Variants in NEFL observed in about 807,000 individuals in gnomAD.
The protein encoded by NEFL is neurofilament light chain, also known as neurofilament light polypeptide.
A neutral mutation model predicts 51.6 loss-of-function variants in NEFL; 36 were observed. That is an observed-to-expected ratio of 0.70 (90% CI 0.53 to 0.92). The LOEUF (loss-of-function observed/expected upper bound fraction) is 0.92, where lower values mean the gene tolerates loss of function less well. NEFL is among the 40% of genes least tolerant of loss of function. The probability of loss-of-function intolerance (pLI) is 0.00; values close to 1 mark genes in which losing one functional copy is unlikely to be tolerated. For synonymous variants in NEFL, 332 were observed against 302.5 expected (o/e 1.10, Z -1.01); for missense variants, 671 against 722.0 (o/e 0.93, Z 0.81).
chr8:24,953,873 C>T, intron 2 of NEFL, 78 bp from the exon 3 acceptor site: 2 of 1,477,714 alleles, frequency 1.4e-6, no homozygotes, highest in Non-Finnish European at 9.0e-7. Context: ...AACACAAAGG[C>T]AAGCAGGAGC....
rs1430924558 is a variant in NEFL at position 24,951,939 on chromosome 8, A to C, written c.*871T>G. ...AATGTATGGGATTCATATTCTATCC[A>C]TATTGCATTGTGACATATCAGTTTG... is the stretch of plus-strand genomic sequence containing the variant. On this transcript the variant is annotated 3_prime_UTR_variant, in exon 4 of 4. Coordinates refer to ENST00000610854, the MANE Select transcript of NEFL (RefSeq NM_006158.5). 2 of 152,394 alleles carry C rather than the reference A, an allele frequency of 1.3e-5. No homozygotes were observed. Among genetic ancestry groups the C allele is most frequent in the African/African-American group, 4.8e-5 (2 of 41,452 alleles). The allele number at this position is 152,394 out of a possible 1,614,324, so 9.4% of individuals were successfully genotyped here. A position where few individuals can be genotyped will look rare whatever the true frequency, so the allele number is the denominator to read the frequency against.
rs764134343 is a variant in NEFL, at chr8:24,955,807, G to A, written c.709C>T (p.Gln237Ter). The change falls in exon 1 of 4, where the codon CAG becomes TAG. Residue 237 changes from glutamine to a stop codon, truncating the protein, a stop_gained. Coordinates refer to ENST00000610854, the MANE Select transcript of NEFL (RefSeq NM_006158.5). LOFTEE classifies it high-confidence loss of function. The surrounding 1 kb of genome is among the most constrained non-coding windows in gnomAD (Gnocchi z 4.0). Reference sequence around the variant, plus strand: ...ACGGAGATCTGCGCGTACTGGATCTGCGCCTGCAGTTCGGCGATCTCCTCT... The same window carrying A: ...ACGGAGATCTGCGCGTACTGGATCTACGCCTGCAGTTCGGCGATCTCCTCT... ...HEEEIAELQA[Q>*]IQYAQISVEM... The A allele has an allele frequency of 1.9e-6, 3 of 1,612,434 alleles. No individual in the cohort carries two copies. Among genetic ancestry groups the A allele is most frequent in the Non-Finnish European group, 2.5e-6 (3 of 1,179,862 alleles).
chr8:24,953,556 G>A lies in NEFL; in HGVS notation c.1409C>T (p.Pro470Leu), dbSNP rs1170554677. 6.2e-7 allele frequency: 1 copy of A among 1,613,726 alleles called. No individual in the cohort carries two copies. Among genetic ancestry groups the A allele is most frequent in the Non-Finnish European group, 8.5e-7 (1 of 1,179,804 alleles). ...CTCCTCGGCTTCTCCTTCAGAGGGG[G>A]GCTCATCCTTGGCTTCCTCAGCCTT... ...AAKAEEAKDE[P>L]PSEGEAEEEE... The change falls in exon 3 of 4, where the codon CCC becomes CTC. Residue 470 changes from proline to leucine, a missense_variant. Pro to Leu is a moderately conservative substitution (Grantham distance 98, BLOSUM62 -3). Coordinates refer to ENST00000610854, the MANE Select transcript of NEFL (RefSeq NM_006158.5).
In NEFL at chr8:24,956,002, G is replaced by T. The variant is rs1414210870; in HGVS notation, c.514C>A (p.Arg172Ser). ...TCTTCATAGCGCGCCTGCAGGTTGCGCAGGGTCTCCTCCAGCCCTTCGCGC... is the reference window on the plus strand; with the variant it reads ...TCTTCATAGCGCGCCTGCAGGTTGCTCAGGGTCTCCTCCAGCCCTTCGCGC... ...GEREGLEETL[R>S]NLQARYEEEV... Residue 172 changes from arginine (R) to serine (S), a missense_variant, in exon 1 of 4, where the codon CGC becomes AGC. By Grantham distance (110) the Arg-to-Ser change is moderately radical. Coordinates refer to ENST00000610854, the MANE Select transcript of NEFL (RefSeq NM_006158.5). This position sits in a 1 kb window ranked among gnomAD's most constrained non-coding sequence, Gnocchi z 5.9. The T allele has an allele frequency of 6.2e-7, 1 of 1,604,218 alleles. No homozygotes were observed. Among genetic ancestry groups the T allele is most frequent in the Non-Finnish European group, 8.5e-7 (1 of 1,179,134 alleles).
At position 24,956,069 on chromosome 8, in the gene NEFL, C is replaced by T. The variant is rs1054658308; in HGVS notation, c.447G>A (p.Ala149=). The change falls in exon 1 of 4, where the codon GCG becomes GCA. Residue 149 remains alanine (A), a synonymous_variant. Coordinates refer to ENST00000610854, the MANE Select transcript of NEFL (RefSeq NM_006158.5). The surrounding 1 kb of genome is among the most constrained non-coding windows in gnomAD (Gnocchi z 5.9). The stretch of plus-strand genomic sequence containing the variant: ...GCTTCTCGTTGGTGGCATCTTCCGC[C>T]GCCAGGCGCAGGTCGCGGATCTCCT... ...YEQEIRDLRL[A]AEDATNEKQA... is the part of the protein sequence containing the mutation. The T allele has an allele frequency of 6.9e-6, 11 of 1,603,770 alleles. No homozygotes were observed. The highest frequency in any genetic ancestry group is 1.3e-5 in the African/African-American group (1 of 74,862).
Position 24,955,317 on chromosome 8 carries a change from A to G in NEFL, c.1044+155T>C, listed in dbSNP as rs1803029586. 5 of 724,206 alleles carry G rather than the reference A, an allele frequency of 6.9e-6. No homozygotes were observed. The East Asian group carries it at 1.4e-4, about 20-fold the overall frequency. The allele number at this position is 724,206 out of a possible 1,614,324, so 44.9% of individuals were successfully genotyped here. A position where few individuals can be genotyped will look rare whatever the true frequency, so the allele number is the denominator to read the frequency against. ...GTGGCGCCCGCACTCACGCCCTTCA[A>G]GTGCCCCACCCCTCCCACACAGTGG... On this transcript the variant is annotated intron_variant, in intron 1 of 3. Coordinates refer to ENST00000610854, the MANE Select transcript of NEFL (RefSeq NM_006158.5). The surrounding 1 kb of genome is among the most constrained non-coding windows in gnomAD (Gnocchi z 4.0).
In NEFL at chr8:24,952,497, C is replaced by A. The variant is rs950640241; in HGVS notation, c.*313G>T. 1 of 275,178 alleles carries A rather than the reference C, an allele frequency of 3.6e-6. No individual in the cohort carries two copies. Among genetic ancestry groups the A allele is most frequent in the Non-Finnish European group, 6.8e-6 (1 of 147,586 alleles). The allele number at this position is 275,178 out of a possible 1,614,324, so 17.0% of individuals were successfully genotyped here. Reference sequence around the variant, plus strand: ...AGTTTAACATTAACATTAGTGAATTCATTTACTCATGTGGTGTTTTTTATT... The same window carrying A: ...AGTTTAACATTAACATTAGTGAATTAATTTACTCATGTGGTGTTTTTTATT... On this transcript the variant is annotated 3_prime_UTR_variant, in exon 4 of 4. Transcript: ENST00000610854.
In NEFL at chr8:24,956,314, G is replaced by C. The variant is rs1328701916; in HGVS notation, c.202C>G (p.Leu68Val). The C allele has an allele frequency of 3.1e-5, 50 of 1,610,582 alleles. No homozygotes were observed. Among genetic ancestry groups the C allele is most frequent in the Non-Finnish European group, 4.1e-5 (48 of 1,178,624 alleles). ...SSSSGSLMPSLENLDLSQVAA... is the reference protein window; with the variant it reads ...SSSSGSLMPSVENLDLSQVAA... ...ACCTGGCTCAGGTCGAGGTTCTCCAGACTGGGCATCAACGATCCAGAGCTG... is the reference window on the plus strand; with the variant it reads ...ACCTGGCTCAGGTCGAGGTTCTCCACACTGGGCATCAACGATCCAGAGCTG... Residue 68 changes from leucine (L) to valine (V), a missense_variant, in exon 1 of 4, where the codon CTG (leucine) becomes GTG (valine). Physicochemically the swap from Leu to Val is conservative, Grantham distance 32. Coordinates refer to ENST00000610854, the MANE Select transcript of NEFL (RefSeq NM_006158.5). This position sits in a 1 kb window ranked among gnomAD's most constrained non-coding sequence, Gnocchi z 5.9.
rs946938553 is a variant in NEFL at position 24,955,634 on chromosome 8, G to C, written c.882C>G (p.Asn294Lys). ...CCTTGGCGGCGCGCACGGCGTCGGTGTTCTTGGCGGCGCTCTCGGTCAGCA... is the reference window on the plus strand; with the variant it reads ...CCTTGGCGGCGCGCACGGCGTCGGTCTTCTTGGCGGCGCTCTCGGTCAGCA... ...FTVLTESAAKNTDAVRAAKDE... is the reference protein window; with the variant it reads ...FTVLTESAAKKTDAVRAAKDE... Residue 294 changes from asparagine (N) to lysine (K), a missense_variant, in exon 1 of 4, where the codon AAC becomes AAG. Coordinates refer to ENST00000610854, the MANE Select transcript of NEFL (RefSeq NM_006158.5). The surrounding 1 kb of genome is among the most constrained non-coding windows in gnomAD (Gnocchi z 4.0). 6 of 1,613,878 alleles carry C rather than the reference G, an allele frequency of 3.7e-6. No homozygotes were observed. The highest frequency in any genetic ancestry group is 5.1e-6 in the Non-Finnish European group (6 of 1,179,876).
intron 3 of NEFL, among the ~76,000 whole-genome samples, 167 bp from the exon 4 acceptor site, chr8:24,953,119 T>C (rs1482555975): frequency 6.6e-6 from 1 of 152,194 alleles, no homozygotes; most frequent in African/African-American, 2.4e-5. Context: ...CCATGAATAA[T>C]TTGCCACTGA....
In NEFL at chr8:24,954,272, T is replaced by C; in HGVS notation, c.1078A>G (p.Thr360Ala). ...TINKLENELR[T>A]TKSEMARYLK... ...TATCGTGCCATTTCACTCTTTGTGG[T>C]CCTCAATTCATTTTCTAATTTGTTG... is the stretch of plus-strand genomic sequence containing the variant. Residue 360 changes from threonine (T) to alanine (A), a missense_variant, in exon 2 of 4, where the codon ACC (threonine) becomes GCC (alanine). By Grantham distance (58) the Thr-to-Ala change is moderately conservative (BLOSUM62 0). Coordinates refer to ENST00000610854, the MANE Select transcript of NEFL (RefSeq NM_006158.5). 6.2e-7 allele frequency: 1 copy of C among 1,613,742 alleles called. No individual in the cohort carries two copies. The highest frequency in any genetic ancestry group is 8.5e-7 in the Non-Finnish European group (1 of 1,179,802).
chr8:24,956,541 C>T lies in NEFL; in HGVS notation c.-26G>A. On this transcript the variant is annotated 5_prime_UTR_variant, in exon 1 of 4. Coordinates refer to ENST00000610854, the MANE Select transcript of NEFL (RefSeq NM_006158.5). This position sits in a 1 kb window ranked among gnomAD's most constrained non-coding sequence, Gnocchi z 5.9. Reference sequence around the variant, plus strand: ...GGTGGCGGCCGGTGGCTCCCCGGCCCGCGGCGGCGGTGGGAGCCCGGAGAG... The same window carrying T: ...GGTGGCGGCCGGTGGCTCCCCGGCCTGCGGCGGCGGTGGGAGCCCGGAGAG... 3 of 1,566,668 alleles carry T rather than the reference C, an allele frequency of 1.9e-6. No homozygotes were observed. The highest frequency in any genetic ancestry group is 2.6e-6 in the Non-Finnish European group (3 of 1,156,862).
rs745353207 is a variant in NEFL at position 24,956,448 on chromosome 8, C to G, written c.68G>C (p.Arg23Pro). The change falls in exon 1 of 4, where the codon CGG (arginine) becomes CCG (proline). Residue 23 changes from arginine (R) to proline (P), a missense_variant. By Grantham distance (103) the Arg-to-Pro change is moderately radical (BLOSUM62 -2). Coordinates refer to ENST00000610854, the MANE Select transcript of NEFL (RefSeq NM_006158.5). This position sits in a 1 kb window ranked among gnomAD's most constrained non-coding sequence, Gnocchi z 5.9. Reference sequence around the variant, plus strand: ...GCTGCGCACGCTGGAGATGTGCACCCGGGGCGTCTCCACGTAGCGCCGCTT... The same window carrying G: ...GCTGCGCACGCTGGAGATGTGCACCGGGGGCGTCTCCACGTAGCGCCGCTT... ...SYKRRYVETP[R>P]VHISSVRSGY... 3.1e-6 allele frequency: 5 copies of G among 1,603,916 alleles called. No individual in the cohort carries two copies. The highest frequency in any genetic ancestry group is 3.4e-6 in the Non-Finnish European group (4 of 1,176,030).
In NEFL at chr8:24,956,480, G is replaced by A. The variant is rs773399177; in HGVS notation, c.36C>T (p.Thr12=). 76 of 1,604,126 alleles carry A rather than the reference G, an allele frequency of 4.7e-5. No individual in the cohort carries two copies. The highest frequency in any genetic ancestry group is 6.3e-5 in the Non-Finnish European group (74 of 1,176,214). The part of the protein sequence containing the change: ...SSFSYEPYYS[T]SYKRRYVETP... ...TCTCCACGTAGCGCCGCTTGTAGGA[G>A]GTCGAGTAGTACGGCTCGTAGCTGA... Residue 12 remains threonine (T), a synonymous_variant, in exon 1 of 4, where the codon ACC becomes ACT. Transcript: ENST00000610854. This position sits in a 1 kb window ranked among gnomAD's most constrained non-coding sequence, Gnocchi z 5.9.
Position 24,955,251 on chromosome 8 carries a change from G to C in NEFL, c.1044+221C>G, listed in dbSNP as rs761406884. On this transcript the variant is annotated intron_variant, in intron 1 of 3. Coordinates refer to ENST00000610854, the MANE Select transcript of NEFL (RefSeq NM_006158.5). This position sits in a 1 kb window ranked among gnomAD's most constrained non-coding sequence, Gnocchi z 4.0. ...ACAAGGGCTGGGCAGCTTTAATGCGGAACGCCGGTGCAGCAGCACGGAGCA... is the reference window on the plus strand; with the variant it reads ...ACAAGGGCTGGGCAGCTTTAATGCGCAACGCCGGTGCAGCAGCACGGAGCA... 5.6e-5 allele frequency: 31 copies of C among 556,570 alleles called. No homozygotes were observed. The highest frequency in any genetic ancestry group is 8.5e-5 in the Non-Finnish European group (27 of 319,508). 34.5% of individuals were successfully genotyped at this position (556,570 alleles called of 1,614,324 possible).
At position 24,954,359 on chromosome 8, in the gene NEFL, A is replaced by G. The variant is rs1803013157; in HGVS notation, c.1045-54T>C. On this transcript the variant is annotated intron_variant, in intron 1 of 3. Coordinates refer to ENST00000610854, the MANE Select transcript of NEFL (RefSeq NM_006158.5). ...AAAAATCCGAGCATAAATCCCTTCTATTATTTTACTGTAGTGTAGTTGCAA... is the reference window on the plus strand; with the variant it reads ...AAAAATCCGAGCATAAATCCCTTCTGTTATTTTACTGTAGTGTAGTTGCAA... The G allele has an allele frequency of 4.4e-6, 7 of 1,597,972 alleles. No individual in the cohort carries two copies. In the Admixed American group the frequency reaches 1.2e-4, roughly 28 times the overall value.
At position 24,952,513 on chromosome 8, in the gene NEFL, G is replaced by GT. The variant is rs1334761649; in HGVS notation, c.*296dup. On this transcript the variant is annotated 3_prime_UTR_variant, in exon 4 of 4. Coordinates refer to ENST00000610854, the MANE Select transcript of NEFL (RefSeq NM_006158.5). The stretch of plus-strand genomic sequence containing the variant: ...TAGTGAATTCATTTACTCATGTGGT[G>GT]TTTTTTATTGTAAACATCTGAATGA... The GT allele has an allele frequency of 2.2e-5, 7 of 318,690 alleles. No individual in the cohort carries two copies. Among genetic ancestry groups the GT allele is most frequent in the East Asian group, 5.3e-5 (1 of 19,018 alleles). The allele number at this position is 318,690 out of a possible 1,614,324, so 19.7% of individuals were successfully genotyped here.
At chr8:24,953,075 T>TCTCTCCAA in intron 3 of NEFL, 123 bp from the exon 4 acceptor site, 1 of 1,207,142 alleles carries the variant, frequency 8.3e-7, no homozygotes, top group African/African-American at 1.5e-5. Context: ...CCAGCTCCAC[T>TCTCTCCAA]CTCTCCAAAA....
Position 24,952,854 on chromosome 8 carries a change from C to A in NEFL, c.1588G>T (p.Val530Phe), listed in dbSNP as rs749130357. ...GCTTGTTCCTCCCCAGCACCTTCAACTTTCTTCTCCTCCTCTTCAGCTTCT... is the reference window on the plus strand; with the variant it reads ...GCTTGTTCCTCCCCAGCACCTTCAAATTTCTTCTCCTCCTCTTCAGCTTCT... ...TKEAEEEEKK[V>F]EGAGEEQAAK... Residue 530 changes from valine (V) to phenylalanine (F), a missense_variant, in exon 4 of 4, where the codon GTT becomes TTT. Transcript: ENST00000610854. 7.4e-6 allele frequency: 12 copies of A among 1,611,510 alleles called. No individual in the cohort carries two copies. Among genetic ancestry groups the A allele is most frequent in the Non-Finnish European group, 1.0e-5 (12 of 1,177,808 alleles).
Sources: gnomAD v4.1 joint callset for allele counts (sites outside exome capture counted in the v4.1 genomes callset) on GRCh38, gnomAD v4.1.1 for gene constraint, Gnocchi (gnomAD v3.1) non-coding constraint, MANE v1.5 for transcripts, NCBI Gene and HGNC (gene_info 2026-07-23, HGNC 2026-07-21) for gene names.